Variants in WNK1 observed in about 807,000 individuals in gnomAD.
WNK1 encodes the protein WNK lysine deficient protein kinase 1, also known as serine/threonine-protein kinase WNK1.
WNK1 carries 38 observed loss-of-function variants against 222.8 expected under a neutral mutation model. The observed-to-expected ratio is 0.17, with a 90% CI of 0.13 to 0.22. The LOEUF (loss-of-function observed/expected upper bound fraction) is 0.22. Ranked by LOEUF, WNK1 falls within the 10% of genes least tolerant of loss-of-function variation. The pLI, the probability that WNK1 is intolerant of heterozygous loss-of-function variation, is 1.00. For synonymous variants in WNK1, 1,090 were observed against 1,092.9 expected (o/e 1.00, Z 0.05); for missense variants, 2,348 against 2,918.4 (o/e 0.80, Z 4.50).
intron 26 of WNK1, chr12:901,521 T>C: frequency 7.9e-7 from 1 of 1,268,158 alleles, no homozygotes. Flanking sequence ...TTCTGTCTCT[T>C]CTCCTCTCTC....
chr12:859,918 G>A, intron 6 of WNK1, among the ~76,000 whole-genome samples: 1 of 152,010 alleles, frequency 6.6e-6, no homozygotes, highest in East Asian at 1.9e-4. Flanking sequence ...GTTTCACCAT[G>A]TTGGCCAGGC....
intron 26 of WNK1, among the ~76,000 whole-genome samples, chr12:902,281 C>G (rs1205609017): frequency 6.6e-6 from 1 of 151,902 alleles, no homozygotes; most frequent in Non-Finnish European, 1.5e-5. Flanking sequence ...CCAGCCTGAG[C>G]GACAGAGTGA....
intron 2 of WNK1, among the ~76,000 whole-genome samples, chr12:821,781 G>A (rs1343618114): frequency 2.0e-5 from 3 of 152,000 alleles, no homozygotes; most frequent in Non-Finnish European, 2.9e-5. Context: ...AATACATCAT[G>A]CTCTTCTTTA....
Position 753,971 on chromosome 12 carries a change from C to T in WNK1, c.406C>T (p.Gln136Ter). 1 of 1,595,870 alleles carries T rather than the reference C, an allele frequency of 6.3e-7. No homozygotes were observed. Among genetic ancestry groups the T allele is most frequent in the East Asian group, 2.3e-5 (1 of 43,800 alleles). ...TATATSQVAQ[Q>*]PPAAAAPGEQ... ...CACCGCCACTTCCCAGGTAGCCCAG[C>T]AGCCTCCAGCCGCTGCCGCCCCTGG... The change falls in exon 1 of 28, where the codon CAG becomes TAG. Residue 136 changes from glutamine to a stop codon, truncating the protein, a stop_gained. Transcript: ENST00000315939. LOFTEE classifies it high-confidence loss of function. This position sits in a 1 kb window ranked among gnomAD's most constrained non-coding sequence, Gnocchi z 5.2.
chr12:904,354 T>C, intron 26 of WNK1: 1 of 960,108 alleles, frequency 1.0e-6, no homozygotes, highest in African/African-American at 1.7e-5. Context: ...CACCTCCTGC[T>C]TTCTCTTGCT....
intron 4 of WNK1, among the ~76,000 whole-genome samples, chr12:840,291 CTTTTTTT>C (rs71441622): frequency 0.5 from 63,736 of 128,002 alleles, 14,596 homozygotes; most frequent in East Asian, 0.78. Flanking sequence ...CCATGTCCAG[CTTTTTTT>C]TTTTTTTTTT....
rs1401324964 is a variant in WNK1, at chr12:885,405, A to G, written c.4601A>G (p.His1534Arg). ...GCACACTCACTAGATAAGACATCTCATAGCAGTACAACTGGATTGGCTTTC... is the reference window on the plus strand; with the variant it reads ...GCACACTCACTAGATAAGACATCTCGTAGCAGTACAACTGGATTGGCTTTC... ...VSAHSLDKTS[H>R]SSTTGLAFSL... Residue 1534 changes from histidine to arginine, a missense_variant, in exon 19 of 28, where the codon CAT (histidine) becomes CGT (arginine). By Grantham distance (29) the His-to-Arg change is conservative. Around this residue, in one of 13 missense-constraint regions of WNK1, gnomAD observed 1,144 missense variants for 1,273.6 expected, o/e 0.90. Transcript: ENST00000315939. 1.2e-6 allele frequency: 2 copies of G among 1,604,222 alleles called. No homozygotes were observed. Among genetic ancestry groups the G allele is most frequent in the East Asian group, 4.5e-5 (2 of 44,834 alleles).
At chr12:906,360 T>A in intron 26 of WNK1, 2 of 985,302 alleles carry the variant, frequency 2.0e-6, no homozygotes, top group African/African-American at 3.5e-5. Flanking sequence ...ATAGACTCCC[T>A]CCTCTCTCAT....
chr12:860,969 T>C (rs1172402830), intron 6 of WNK1, 44 bp from the exon 7 acceptor site: 1 of 1,596,336 alleles, frequency 6.3e-7, no homozygotes, highest in Non-Finnish European at 8.6e-7. Context: ...GGGTGTTGTT[T>C]TCTTTCAATA....
chr12:832,360 C>T (rs966928578), intron 4 of WNK1, among the ~76,000 whole-genome samples: 1 of 152,136 alleles, frequency 6.6e-6, no homozygotes, highest in African/African-American at 2.4e-5. Context: ...CAGGCATGAG[C>T]CAGAAATGTT....
At chr12:877,632 A>C (rs1312294380) in intron 9 of WNK1, among the ~76,000 whole-genome samples, 1 of 152,212 alleles carries the variant, frequency 6.6e-6, no homozygotes, top group African/African-American at 2.4e-5. Flanking sequence ...TCATTTTTTT[A>C]ATAAAATAAG....
chr12:864,703 C>CT (rs1367371900), intron 8 of WNK1, among the ~76,000 whole-genome samples: 1 of 152,140 alleles, frequency 6.6e-6, no homozygotes, highest in Non-Finnish European at 1.5e-5. Flanking sequence ...TTTTAATGTA[C>CT]TTTAAACTAA....
intron 21 of WNK1, 149 bp downstream of exon 21, chr12:889,372 A>C: frequency 4.0e-6 from 3 of 747,388 alleles, no homozygotes; most frequent in Non-Finnish European, 7.0e-6. Flanking sequence ...AGACTGATTA[A>C]TGAAAGATTC....
At chr12:850,469 G>T (rs1403883406) in intron 4 of WNK1, among the ~76,000 whole-genome samples, 3 of 152,112 alleles carry the variant, frequency 2.0e-5, no homozygotes, top group African/African-American at 7.2e-5. Context: ...CTGGATATTA[G>T]CCCTTTGTCA....
rs1442119871 is a variant in WNK1 at position 757,726 on chromosome 12, G to A, written c.759+3402G>A. ...GGGATCTGGTTTTTCAAAAAAGATA[G>A]CATAATTTCCTTTAAGAAAACATTG... On this transcript the variant is annotated intron_variant, in intron 1 of 27. Coordinates refer to ENST00000315939, the MANE Select transcript of WNK1 (RefSeq NM_018979.4). 1.3e-4 allele frequency among the ~76,000 whole-genome samples: 16 copies of A among 124,058 alleles called. 2 individuals are homozygous for A. Among genetic ancestry groups the A allele is most frequent in the South Asian group, 2.7e-4 (1 of 3,674 alleles). The allele number at this position is 124,058 out of a possible 152,430, so 81.4% of individuals were successfully genotyped here.
intron 1 of WNK1, chr12:781,241 G>T: frequency 1.3e-5 from 2 of 154,788 alleles, no homozygotes; most frequent in South Asian, 3.7e-4. Context: ...GCTTTACCTT[G>T]GTACAATTTT....
intron 4 of WNK1, among the ~76,000 whole-genome samples, chr12:855,312 T>G (rs1950700619): frequency 6.6e-6 from 1 of 152,242 alleles, no homozygotes; most frequent in South Asian, 2.1e-4. Flanking sequence ...ATACATGAAT[T>G]TAACTTTAGG....
At chr12:788,941 A>G (rs964966059) in intron 1 of WNK1, among the ~76,000 whole-genome samples, 2 of 152,138 alleles carry the variant, frequency 1.3e-5, no homozygotes, top group Admixed American at 6.6e-5. Flanking sequence ...CAGTAATATT[A>G]ATAGTTTAGA....
chr12:843,349 A>G (rs1949774627), intron 4 of WNK1, among the ~76,000 whole-genome samples: 1 of 152,242 alleles, frequency 6.6e-6, no homozygotes, highest in Non-Finnish European at 1.5e-5. Flanking sequence ...TTACCGTATT[A>G]TAAATTAAAA....
Sources: gnomAD v4.1 joint callset for allele counts (sites outside exome capture counted in the v4.1 genomes callset) on GRCh38, gnomAD v4.1.1 for gene constraint, gnomAD v4.1.1 regional missense constraint, Gnocchi (gnomAD v3.1) non-coding constraint, MANE v1.5 for transcripts, NCBI Gene and HGNC (gene_info 2026-07-23, HGNC 2026-07-21) for gene names.